KSR1: variants seen among roughly 807,000 people sequenced by gnomAD.
KSR1 encodes kinase suppressor of ras 1.
Under a neutral mutation model 92.9 loss-of-function variants are expected in KSR1, and 35 were observed. The ratio of observed to expected loss-of-function variants is 0.38; its 90% CI spans 0.29 to 0.50. The LOEUF (loss-of-function observed/expected upper bound fraction) is 0.50. Among genes scored for constraint, KSR1 ranks in the 20% least tolerant of loss-of-function variants. KSR1 has a pLI of 0.94. For missense variants in KSR1, 972 were observed against 1,158.5 expected (o/e 0.84, Z 2.34); for synonymous variants, 467 against 472.6 (o/e 0.99, Z 0.15).
At chr17:27,519,514 C>T (rs979997915) in intron 1 of KSR1, among the ~76,000 whole-genome samples, 1 of 152,144 alleles carries the variant, frequency 6.6e-6, no homozygotes, top group African/African-American at 2.4e-5. Flanking sequence ...TCTGACCTGG[C>T]CATGGTGCGT....
chr17:27,457,461 T>A (rs1349784957), intron 1 of KSR1, among the ~76,000 whole-genome samples: 4 of 152,202 alleles, frequency 2.6e-5, no homozygotes, highest in Non-Finnish European at 5.9e-5. Context: ...GGCTCGCTGC[T>A]TAAAATGTAT....
intron 1 of KSR1, among the ~76,000 whole-genome samples, chr17:27,531,817 G>C (rs1246181941): frequency 6.6e-6 from 1 of 152,178 alleles, no homozygotes; most frequent in Non-Finnish European, 1.5e-5. Context: ...ATCTCCACTT[G>C]GGGATAGTAA....
At chr17:27,617,923 A>T (rs929699995) in intron 19 of KSR1, among the ~76,000 whole-genome samples, 8 of 152,104 alleles carry the variant, frequency 5.3e-5, no homozygotes, top group Non-Finnish European at 1.0e-4. Context: ...CGTTTACCAC[A>T]TTTATTTTGG....
chr17:27,608,533 T>C (rs892135232), intron 15 of KSR1, among the ~76,000 whole-genome samples: 3 of 152,192 alleles, frequency 2.0e-5, no homozygotes, highest in Non-Finnish European at 4.4e-5. Context: ...TTAGTTCAAA[T>C]AGAGCATTGG....
chr17:27,594,789 A>G (rs2073286070), intron 9 of KSR1, among the ~76,000 whole-genome samples: 1 of 150,992 alleles, frequency 6.6e-6, no homozygotes, highest in Non-Finnish European at 1.5e-5. Context: ...ATGCTCCCTG[A>G]GGGCCCAGTG....
chr17:27,504,100 C>A (rs1051602286), intron 1 of KSR1, among the ~76,000 whole-genome samples: 5 of 152,168 alleles, frequency 3.3e-5, no homozygotes, highest in Admixed American at 2.0e-4. Flanking sequence ...GTGCTTGGCC[C>A]CGTGGGAAGT....
intron 1 of KSR1, among the ~76,000 whole-genome samples, chr17:27,521,904 G>T (rs1203955576): frequency 6.6e-6 from 1 of 152,240 alleles, no homozygotes; most frequent in Non-Finnish European, 1.5e-5. Flanking sequence ...CACCCATGCT[G>T]CTAGGGAGAC....
chr17:27,477,425 GA>G (rs1024115673), intron 1 of KSR1, among the ~76,000 whole-genome samples: 1 of 152,278 alleles, frequency 6.6e-6, no homozygotes, highest in African/African-American at 2.4e-5. Context: ...ATTATACAGG[GA>G]ACTGAAGCCC....
chr17:27,496,287 T>C (rs1402815365), intron 1 of KSR1, among the ~76,000 whole-genome samples: 1 of 152,188 alleles, frequency 6.6e-6, no homozygotes, highest in Admixed American at 6.5e-5. Flanking sequence ...CTGCTTTTGT[T>C]TGTCTCTAAT....
intron 1 of KSR1, among the ~76,000 whole-genome samples, chr17:27,528,320 A>G (rs956725676): frequency 3.9e-5 from 6 of 151,914 alleles, no homozygotes; most frequent in Non-Finnish European, 8.8e-5. Flanking sequence ...GCCCACCTCA[A>G]CCTCCCAAAG....
intron 10 of KSR1, among the ~76,000 whole-genome samples, chr17:27,599,689 C>T (rs1426398285): frequency 1.3e-5 from 2 of 151,918 alleles, no homozygotes; most frequent in Non-Finnish European, 2.9e-5. Context: ...TTAAAATATT[C>T]TCCTCAATAA....
chr17:27,516,549 T>C (rs2069803430), intron 1 of KSR1, among the ~76,000 whole-genome samples: 1 of 152,016 alleles, frequency 6.6e-6, no homozygotes, highest in Admixed American at 6.6e-5. Flanking sequence ...CATCCTTTCT[T>C]CCTTCCATCA....
intron 19 of KSR1, among the ~76,000 whole-genome samples, chr17:27,620,156 G>A (rs2074184802): frequency 1.3e-5 from 2 of 152,360 alleles, no homozygotes; most frequent in Admixed American, 1.3e-4. Flanking sequence ...ACGACTGTGT[G>A]GGGTTAGGGA....
intron 2 of KSR1, among the ~76,000 whole-genome samples, chr17:27,556,383 A>G (rs896783424): frequency 1.3e-5 from 2 of 151,638 alleles, no homozygotes; most frequent in Non-Finnish European, 2.9e-5. Context: ...ACCTGGCTAT[A>G]TATATATTTT....
At chr17:27,591,925 T>C (rs1387498859) in intron 7 of KSR1, among the ~76,000 whole-genome samples, 1 of 152,236 alleles carries the variant, frequency 6.6e-6, no homozygotes, top group Non-Finnish European at 1.5e-5. Flanking sequence ...TCACGGTCCA[T>C]TGCACAAATG....
chr17:27,458,534 G>C (rs548528414), intron 1 of KSR1, among the ~76,000 whole-genome samples: 161 of 152,232 alleles, frequency 1.1e-3, no homozygotes, highest in Middle Eastern at 3.4e-3. Context: ...CCTAACTTCC[G>C]GAGTCCCTCA....
chr17:27,580,830 G>A (rs529375216), intron 3 of KSR1, among the ~76,000 whole-genome samples: 19 of 152,216 alleles, frequency 1.2e-4, no homozygotes, highest in Admixed American at 2.6e-4. Context: ...GCAGTGGCGC[G>A]ATCTTGGCTC....
chr17:27,588,467 C>A lies in KSR1; in HGVS notation c.986-8C>A. On this transcript the variant is annotated splice_polypyrimidine_tract_variant and splice_region_variant and intron_variant, in intron 5 of 20. Coordinates refer to ENST00000644974, the MANE Select transcript of KSR1 (RefSeq NM_001394583.1). ...CTCAGCCTGCCCATCCGGCCTCTTTCCCTGCAGATCTCTCGCATGGATCCC... is the reference window on the plus strand; with the variant it reads ...CTCAGCCTGCCCATCCGGCCTCTTTACCTGCAGATCTCTCGCATGGATCCC... The A allele has an allele frequency of 1.3e-6, 2 of 1,572,388 alleles. No homozygotes were observed. Among genetic ancestry groups the A allele is most frequent in the Non-Finnish European group, 8.6e-7 (1 of 1,158,938 alleles).
chr17:27,591,899 G>A (rs757613542), intron 7 of KSR1, among the ~76,000 whole-genome samples: 14 of 152,230 alleles, frequency 9.2e-5, no homozygotes, highest in Non-Finnish European at 2.9e-5. Flanking sequence ...CCTGGCCCGG[G>A]GCTGACCCTC....
Sources: gnomAD v4.1 joint callset for allele counts (sites outside exome capture counted in the v4.1 genomes callset) on GRCh38, gnomAD v4.1.1 for gene constraint, MANE v1.5 for transcripts, NCBI Gene and HGNC (gene_info 2026-07-23, HGNC 2026-07-21) for gene names.